CDH2: variants seen among roughly 807,000 people sequenced by gnomAD.
CDH2 encodes the protein cadherin 2, also known as cadherin-2.
Under a neutral mutation model 92.0 loss-of-function variants are expected in CDH2, and 17 were observed. The ratio of observed to expected loss-of-function variants is 0.18; its 90% confidence interval spans 0.13 to 0.28. The LOEUF (loss-of-function observed/expected upper bound fraction) is 0.28, where lower values mean the gene tolerates loss of function less well. Among genes scored for constraint, CDH2 ranks in the 10% least tolerant of loss-of-function variants. The pLI, the probability that CDH2 is intolerant of heterozygous loss-of-function variation, is 1.00. For synonymous variants in CDH2, 419 were observed against 415.9 expected (o/e 1.01, Z -0.09); for missense variants, 862 against 1,133.1 (o/e 0.76, Z 3.44).
chr18:28,143,012 T>C (rs989981947), intron 2 of CDH2, among the ~76,000 whole-genome samples: 4 of 152,074 alleles, frequency 2.6e-5, no homozygotes, highest in Non-Finnish European at 5.9e-5. Context: ...CAGCTTCTTC[T>C]GACCATGTTA....
At chr18:28,126,615 C>T (rs532883012) in intron 2 of CDH2, among the ~76,000 whole-genome samples, 42 of 152,248 alleles carry the variant, frequency 2.8e-4, no homozygotes, top group African/African-American at 9.1e-4. Context: ...TCTAATCTCT[C>T]ATCTACAAAT....
chr18:28,146,585 A>T (rs1448454878), intron 2 of CDH2: 3 of 152,146 alleles, frequency 2.0e-5, no homozygotes, highest in Non-Finnish European at 4.4e-5. Flanking sequence ...GGTGAGAGCA[A>T]ATCCTAATTT....
chr18:28,091,256 T>C (rs1393173133), intron 2 of CDH2, among the ~76,000 whole-genome samples: 1 of 152,226 alleles, frequency 6.6e-6, no homozygotes, highest in African/African-American at 2.4e-5. Context: ...GATAAAACTG[T>C]ACTTTCTCCT....
intron 1 of CDH2, among the ~76,000 whole-genome samples, chr18:28,173,979 A>G (rs371896130): frequency 6.6e-6 from 1 of 152,222 alleles, no homozygotes; most frequent in South Asian, 2.1e-4. Context: ...ACATCTTAAA[A>G]TAAGACTAAA....
chr18:28,126,950 A>G (rs1488057240), intron 2 of CDH2, among the ~76,000 whole-genome samples: 1 of 152,092 alleles, frequency 6.6e-6, no homozygotes, highest in African/African-American at 2.4e-5. Context: ...GTGACCCTAG[A>G]ATGTCCAGAG....
At chr18:28,165,800 C>A (rs8092856) in intron 1 of CDH2, among the ~76,000 whole-genome samples, 6 of 150,516 alleles carry the variant, frequency 4.0e-5, no homozygotes, top group Admixed American at 3.3e-4. Flanking sequence ...TCAGTGTAAC[C>A]TTAAGAGAAA....
chr18:27,961,631 G>A (rs966330854), intron 15 of CDH2, among the ~76,000 whole-genome samples: 4 of 152,182 alleles, frequency 2.6e-5, no homozygotes, highest in African/African-American at 9.7e-5. Context: ...GCAGGAATCA[G>A]ATGAGGAATA....
chr18:28,173,809 A>G (rs563750410), intron 1 of CDH2, among the ~76,000 whole-genome samples: 2 of 152,324 alleles, frequency 1.3e-5, no homozygotes, highest in South Asian at 2.1e-4. Flanking sequence ...GGTAAAAGCA[A>G]CATTGATTTT....
At chr18:28,090,938 A>G (rs1245950600) in intron 2 of CDH2, among the ~76,000 whole-genome samples, 3 of 152,192 alleles carry the variant, frequency 2.0e-5, no homozygotes, top group African/African-American at 4.8e-5. Context: ...TCTATATCCA[A>G]TAGTGGTTGA....
intron 8 of CDH2, among the ~76,000 whole-genome samples, chr18:27,993,184 T>A (rs924386674): frequency 6.6e-6 from 1 of 152,212 alleles, no homozygotes; most frequent in Non-Finnish European, 1.5e-5. Flanking sequence ...GCTGACAAAG[T>A]AGCATAAATC....
At chr18:27,938,837 A>T (rs1008107474) in intron 6 of CDH2, among the ~76,000 whole-genome samples, 1 of 152,224 alleles carries the variant, frequency 6.6e-6, no homozygotes, top group Non-Finnish European at 1.5e-5. Flanking sequence ...GTATAGAAGC[A>T]TGCAGGTATA....
intron 2 of CDH2, among the ~76,000 whole-genome samples, chr18:28,080,870 C>A (rs543432396): frequency 1.3e-5 from 2 of 152,266 alleles, no homozygotes; most frequent in East Asian, 3.9e-4. Context: ...ACCAGATTTC[C>A]TGTGATATAC....
At chr18:28,159,949 G>A (rs995809513) in intron 1 of CDH2, among the ~76,000 whole-genome samples, 8 of 152,132 alleles carry the variant, frequency 5.3e-5, no homozygotes, top group African/African-American at 1.4e-4. Context: ...GAGCCACCAC[G>A]CCTGGCCCCC....
Position 27,992,809 on chromosome 18 carries a change from T to C in CDH2, c.1190A>G (p.Asp397Gly), listed in dbSNP as rs200655366. The stretch of plus-strand genomic sequence containing the variant: ...CACAGTTAGATTAGCTACTATGATG[T>C]CTACCCTGTTCTCAGGAACTTCACC... ...FYGEVPENRVDIIVANLTVTD... is the reference protein window; with the variant it reads ...FYGEVPENRVGIIVANLTVTD... Residue 397 changes from aspartate (D) to glycine (G), a missense_variant, in exon 9 of 16, where the codon GAC becomes GGC. Asp to Gly is a moderately conservative substitution (Grantham distance 94). Coordinates refer to ENST00000269141, the MANE Select transcript of CDH2 (RefSeq NM_001792.5). 4 of 1,613,560 alleles carry C rather than the reference T, an allele frequency of 2.5e-6. No homozygotes were observed. In the African/African-American group the frequency reaches 5.3e-5, roughly 22 times the overall value.
intron 14 of CDH2, among the ~76,000 whole-genome samples, chr18:27,965,720 A>T (rs2011516753): frequency 6.6e-6 from 1 of 152,148 alleles, no homozygotes; most frequent in African/African-American, 2.4e-5. Context: ...CGACAAAAAG[A>T]GGGATTTAGT....
At chr18:27,966,954 TG>T (rs1203169977) in intron 14 of CDH2, among the ~76,000 whole-genome samples, 1 of 152,176 alleles carries the variant, frequency 6.6e-6, no homozygotes, top group African/African-American at 2.4e-5. Flanking sequence ...ATTCAAGAAA[TG>T]TGACTTGGAT....
At chr18:27,976,743 G>T (rs2011844460) in intron 14 of CDH2, among the ~76,000 whole-genome samples, 1 of 152,186 alleles carries the variant, frequency 6.6e-6, no homozygotes, top group Non-Finnish European at 1.5e-5. Flanking sequence ...TTAGTATAGA[G>T]AATGAAACTG....
chr18:28,135,879 G>C (rs2015853914), intron 2 of CDH2, among the ~76,000 whole-genome samples: 1 of 152,106 alleles, frequency 6.6e-6, no homozygotes, highest in South Asian at 2.1e-4. Context: ...AAATTTAAAT[G>C]ATTGCCACAA....
intron 2 of CDH2, among the ~76,000 whole-genome samples, chr18:28,048,124 C>T (rs17468443): frequency 1.3e-5 from 2 of 151,770 alleles, no homozygotes; most frequent in Non-Finnish European, 2.9e-5. Flanking sequence ...ACTTTCTATT[C>T]GATTCTTAAA....
Sources: allele counts gnomAD v4.1 joint callset (sites outside exome capture counted in the v4.1 genomes callset), GRCh38; gene constraint gnomAD v4.1.1; transcripts MANE v1.5; gene names NCBI Gene and HGNC (gene_info 2026-07-23, HGNC 2026-07-21).